Variants in AGBL4 observed in about 807,000 individuals in gnomAD.
AGBL4 encodes AGBL carboxypeptidase 4.
A neutral mutation model predicts 66.4 loss-of-function variants in AGBL4; 58 were observed. The observed-to-expected ratio is 0.87, with a 90% CI of 0.71 to 1.09. AGBL4 has a LOEUF of 1.09. Ranked by LOEUF, AGBL4 falls within the 50% of genes least tolerant of loss-of-function variation. The pLI is 0.00. For synonymous variants in AGBL4, 234 were observed against 222.9 expected, an observed-to-expected ratio of 1.05 and a Z score of -0.44; for missense variants, 579 against 631.0, an observed-to-expected ratio of 0.92 and a Z score of 0.88.
chr1:48,931,420 G>A (rs1655025106), intron 5 of AGBL4, among the ~76,000 whole-genome samples: 1 of 152,150 alleles, frequency 6.6e-6, no homozygotes, highest in African/African-American at 2.4e-5. Flanking sequence ...CTGTTCAAAT[G>A]TGACCTACTT....
At position 49,135,446 on chromosome 1, in the gene AGBL4, C is replaced by T. The variant is rs1013736797; in HGVS notation, c.378-89646G>A. On this transcript the variant is annotated intron_variant, in intron 4 of 13. Coordinates refer to ENST00000371839, the MANE Select transcript of AGBL4 (RefSeq NM_032785.4). ...GCTAGAGGAATTAAAGACACACACA[C>T]AGAAATATAGAGGTGTGAAGTGGGA... Among the ~76,000 whole-genome samples the T allele has an allele frequency of 3.9e-5, 6 of 152,174 alleles. No individual in the cohort carries two copies. The East Asian group carries it at 9.7e-4, about 25-fold the overall frequency.
intron 3 of AGBL4, among the ~76,000 whole-genome samples, chr1:49,555,585 T>C (rs1322431794): frequency 6.6e-6 from 1 of 151,042 alleles, no homozygotes; most frequent in Admixed American, 6.6e-5. Context: ...CAGTGCTCTG[T>C]GTCTAGCTAA....
intron 3 of AGBL4, among the ~76,000 whole-genome samples, chr1:49,612,606 T>C (rs1396349173): frequency 2.6e-5 from 4 of 152,074 alleles, no homozygotes; most frequent in Admixed American, 2.6e-4. Flanking sequence ...TACATACAAG[T>C]GGCCCACAAA....
At chr1:48,900,161 G>T (rs913369912) in intron 5 of AGBL4, among the ~76,000 whole-genome samples, 1 of 152,168 alleles carries the variant, frequency 6.6e-6, no homozygotes, top group Non-Finnish European at 1.5e-5. Context: ...TGAGAGACCA[G>T]AGTGTCTGGA....
chr1:49,308,922 A>C (rs910552956), intron 3 of AGBL4, among the ~76,000 whole-genome samples: 1 of 152,204 alleles, frequency 6.6e-6, no homozygotes, highest in Admixed American at 6.6e-5. Context: ...GACAGATTGC[A>C]TCCAGGTTAT....
At chr1:48,838,970 A>G (rs1646741300) in intron 6 of AGBL4, among the ~76,000 whole-genome samples, 3 of 152,278 alleles carry the variant, frequency 2.0e-5, no homozygotes, top group South Asian at 2.1e-4. Context: ...CAAAGCCACA[A>G]TGAGGTATTA....
chr1:49,938,680 G>C (rs1654382579), intron 1 of AGBL4, among the ~76,000 whole-genome samples: 1 of 152,118 alleles, frequency 6.6e-6, no homozygotes, highest in African/African-American at 2.4e-5. Context: ...GGGATGCAAG[G>C]CTGGTTCAAT....
At chr1:48,859,772 T>G (rs1647322915) in intron 6 of AGBL4, among the ~76,000 whole-genome samples, 1 of 152,224 alleles carries the variant, frequency 6.6e-6, no homozygotes, top group Non-Finnish European at 1.5e-5. Context: ...TGTATACCTC[T>G]CCTCAGTAAT....
intron 1 of AGBL4, among the ~76,000 whole-genome samples, chr1:49,908,580 C>G (rs1650503380): frequency 6.6e-6 from 1 of 152,130 alleles, no homozygotes; most frequent in Admixed American, 6.5e-5. Flanking sequence ...GCCAATTAAA[C>G]CTTTTTTCTT....
At chr1:49,118,229 C>T (rs1645572062) in intron 4 of AGBL4, among the ~76,000 whole-genome samples, 3 of 152,016 alleles carry the variant, frequency 2.0e-5, no homozygotes, top group South Asian at 4.1e-4. Flanking sequence ...GCCTGATTGC[C>T]CTGGAGAGAA....
chr1:49,049,957 T>C (rs895725075), intron 4 of AGBL4, among the ~76,000 whole-genome samples: 3 of 152,058 alleles, frequency 2.0e-5, no homozygotes, highest in Non-Finnish European at 2.9e-5. Context: ...TCCTCTGAAG[T>C]TATTCATATT....
At chr1:49,288,565 A>T (rs1294800700) in intron 3 of AGBL4, among the ~76,000 whole-genome samples, 1 of 152,152 alleles carries the variant, frequency 6.6e-6, no homozygotes, top group Non-Finnish European at 1.5e-5. Flanking sequence ...TCACTTGCAA[A>T]ATTCTAAGCT....
intron 2 of AGBL4, among the ~76,000 whole-genome samples, chr1:49,723,705 T>G (rs1168165447): frequency 6.6e-6 from 1 of 152,140 alleles, no homozygotes; most frequent in Non-Finnish European, 1.5e-5. Context: ...ATCACTTTCT[T>G]TATTATTTAT....
intron 1 of AGBL4, among the ~76,000 whole-genome samples, chr1:49,992,131 G>A (rs543609934): frequency 6.6e-6 from 1 of 152,234 alleles, no homozygotes; most frequent in South Asian, 2.1e-4. Context: ...CAGCACTTTG[G>A]GAGGTCAAGG....
At chr1:49,757,886 T>C (rs1470023421) in intron 2 of AGBL4, among the ~76,000 whole-genome samples, 2 of 152,152 alleles carry the variant, frequency 1.3e-5, no homozygotes, top group African/African-American at 4.8e-5. Context: ...GAAATCTGTA[T>C]AAGTAAAGAG....
intron 1 of AGBL4, among the ~76,000 whole-genome samples, chr1:50,001,831 A>G (rs1262267091): frequency 6.6e-6 from 1 of 152,154 alleles, no homozygotes; most frequent in African/African-American, 2.4e-5. Flanking sequence ...TTGACAATCA[A>G]TCTAATCTAA....
intron 4 of AGBL4, among the ~76,000 whole-genome samples, chr1:49,232,171 T>A (rs531994738): frequency 2.6e-5 from 4 of 152,288 alleles, no homozygotes; most frequent in Non-Finnish European, 2.9e-5. Context: ...TGCACAACTC[T>A]GGGTATATTA....
At chr1:49,347,235 CCTTT>C (rs1023476577) in intron 3 of AGBL4, among the ~76,000 whole-genome samples, 7 of 148,156 alleles carry the variant, frequency 4.7e-5, no homozygotes, top group Admixed American at 2.1e-4. Context: ...GTAGCCATTT[CCTTT>C]CTTTCTTTCT....
At chr1:49,918,758 C>A (rs750133684) in intron 1 of AGBL4, among the ~76,000 whole-genome samples, 1 of 152,126 alleles carries the variant, frequency 6.6e-6, no homozygotes, top group East Asian at 1.9e-4. Flanking sequence ...CATCCTGATA[C>A]CAAAGACTGG....
Sources: allele counts gnomAD v4.1 joint callset (sites outside exome capture counted in the v4.1 genomes callset), GRCh38; gene constraint gnomAD v4.1.1; transcripts MANE v1.5; gene names NCBI Gene and HGNC (gene_info 2026-07-23, HGNC 2026-07-21).